Variants in KNOP1 observed in about 807,000 individuals in gnomAD.
KNOP1 encodes the protein lysine rich nucleolar protein 1, also known as lysine-rich nucleolar protein 1.
Under a neutral mutation model 30.6 loss-of-function variants are expected in KNOP1, and 20 were observed. The observed-to-expected ratio is 0.65, with a 90% CI of 0.46 to 0.95. The LOEUF is 0.95. Among genes scored for constraint, KNOP1 ranks in the 40% least tolerant of loss-of-function variants. The pLI is 0.00. For synonymous variants in KNOP1, 204 were observed against 210.0 expected (o/e 0.97, Z 0.25); for missense variants, 540 against 562.0 (o/e 0.96, Z 0.40).
chr16:19,716,943 A>G (rs1158391991), intron 1 of KNOP1, among the ~76,000 whole-genome samples: 6 of 152,314 alleles, frequency 3.9e-5, no homozygotes, highest in Non-Finnish European at 7.4e-5. Context: ...CCCGGGTTCA[A>G]GCAATTTTCA....
At chr16:19,717,122 C>A (rs1237846040) in intron 1 of KNOP1, among the ~76,000 whole-genome samples, 2 of 152,212 alleles carry the variant, frequency 1.3e-5, no homozygotes, top group Non-Finnish European at 2.9e-5. Context: ...GGATTACAGG[C>A]ATGAGCCACC....
rs1406072874 is a variant in KNOP1, at chr16:19,714,723, C to CA, written c.312dup (p.Gly105TrpfsTer13). On this transcript the variant is annotated frameshift_variant, in exon 2 of 5. Coordinates refer to ENST00000219837, the MANE Select transcript of KNOP1 (RefSeq NM_001012991.3). LOFTEE classifies it high-confidence loss of function. ...TCCCCACTGAGGAACTCCAAGTGGC[C>CA]AAACACCTGCTTCCTGAGGCTGGGT... The CA allele has an allele frequency of 6.2e-7, 1 of 1,614,188 alleles. No individual in the cohort carries two copies. Among genetic ancestry groups the CA allele is most frequent in the East Asian group, 2.2e-5 (1 of 44,882 alleles).
chr16:19,710,196 G>T, intron 4 of KNOP1: 1 of 427,918 alleles, frequency 2.3e-6, no homozygotes, highest in Non-Finnish European at 4.3e-6. Flanking sequence ...GTCCACCACT[G>T]GCAAGAGCTC....
Position 19,714,274 on chromosome 16 carries a change from T to G in KNOP1, c.762A>C (p.Glu254Asp). The change falls in exon 2 of 5, where the codon GAA (glutamate) becomes GAC (aspartate). Residue 254 changes from glutamate to aspartate, a missense_variant. Physicochemically the swap from Glu to Asp is conservative, Grantham distance 45. Transcript: ENST00000219837. ...TAGGGTCATCACTTATGGGGATGTA[T>G]TCCGGAGCCTCAACTTTGACTGGCT... Reference protein sequence around the residue: ...KKKPVKVEAPEYIPISDDPKA... With the variant: ...KKKPVKVEAPDYIPISDDPKA... 1.2e-6 allele frequency: 2 copies of G among 1,614,182 alleles called. No homozygotes were observed. The highest frequency in any genetic ancestry group is 1.7e-6 in the Non-Finnish European group (2 of 1,180,018).
In KNOP1 at chr16:19,714,278, G is replaced by A. The variant is rs199538975; in HGVS notation, c.758C>T (p.Pro253Leu). The part of the protein sequence containing the change: ...SKKKPVKVEA[P>L]EYIPISDDPK... ...GTCATCACTTATGGGGATGTATTCC[G>A]GAGCCTCAACTTTGACTGGCTTCTT... Residue 253 changes from proline to leucine, a missense_variant, in exon 2 of 5, where the codon CCG becomes CTG. Physicochemically the swap from Pro to Leu is moderately conservative, Grantham distance 98. Transcript: ENST00000219837. The A allele has an allele frequency of 8.8e-5, 142 of 1,614,100 alleles. No homozygotes were observed. In the African/African-American group the frequency reaches 1.4e-3, roughly 16 times the overall value.
chr16:19,714,022 C>T (rs1174885184), intron 2 of KNOP1, 96 bp downstream of exon 2: 5 of 1,054,396 alleles, frequency 4.7e-6, no homozygotes, highest in African/African-American at 1.6e-5. Flanking sequence ...CATGAGTACT[C>T]GTGCATGTAC....
rs886706425 is a variant in KNOP1 at position 19,704,947 on chromosome 16, A to G, written c.*1963T>C. 8.8e-6 allele frequency: 3 copies of G among 340,424 alleles called. No homozygotes were observed. The highest frequency in any genetic ancestry group is 1.7e-5 in the Non-Finnish European group (3 of 172,750). 21.1% of individuals were successfully genotyped at this position (340,424 alleles called of 1,614,324 possible). ...CTCTGCCCAATGGGCAGCTGTGGACACCATGGCCACTTCACCAGCATCCAC... is the reference window on the plus strand; with the variant it reads ...CTCTGCCCAATGGGCAGCTGTGGACGCCATGGCCACTTCACCAGCATCCAC... On this transcript the variant is annotated 3_prime_UTR_variant, in exon 5 of 5. Coordinates refer to ENST00000219837, the MANE Select transcript of KNOP1 (RefSeq NM_001012991.3).
At chr16:19,710,639 G>C in intron 3 of KNOP1, 53 bp from the exon 4 acceptor site, 1 of 1,483,670 alleles carries the variant, frequency 6.7e-7, no homozygotes, top group South Asian at 1.1e-5. Context: ...CTTCTTTCAA[G>C]CTTAAAACCC....
intron 1 of KNOP1, among the ~76,000 whole-genome samples, chr16:19,716,297 C>T (rs995968447): frequency 6.6e-6 from 1 of 152,168 alleles, no homozygotes; most frequent in Non-Finnish European, 1.5e-5. Flanking sequence ...TAAAACACCA[C>T]CCATCAAGAA....
At chr16:19,716,302 C>T (rs1033783159) in intron 1 of KNOP1, among the ~76,000 whole-genome samples, 1 of 152,172 alleles carries the variant, frequency 6.6e-6, no homozygotes, top group African/African-American at 2.4e-5. Flanking sequence ...CACCACCCAT[C>T]AAGAAGCAAG....
At chr16:19,715,221 A>G in intron 1 of KNOP1, 184 bp from the exon 2 acceptor site, 1 of 502,620 alleles carries the variant, frequency 2.0e-6, no homozygotes, top group East Asian at 3.2e-5. Flanking sequence ...TTTTAAATCC[A>G]CACAGCCCTA....
At chr16:19,714,092 A>C (rs758376799) in intron 2 of KNOP1, 26 bp downstream of exon 2, 4 of 1,589,514 alleles carry the variant, frequency 2.5e-6, no homozygotes, top group South Asian at 1.2e-5. Flanking sequence ...TCCCACGGCA[A>C]AGTCCATTTC....
intron 1 of KNOP1, chr16:19,715,390 G>A (rs1597477407): frequency 1.1e-5 from 2 of 174,672 alleles, no homozygotes; most frequent in Non-Finnish European, 2.3e-5. Context: ...TTGGTACACT[G>A]TTAATTCCCT....
Position 19,704,428 on chromosome 16 carries a change from G to A in KNOP1, c.*2482C>T, listed in dbSNP as rs1171367414. On this transcript the variant is annotated 3_prime_UTR_variant, in exon 5 of 5. Coordinates refer to ENST00000219837, the MANE Select transcript of KNOP1 (RefSeq NM_001012991.3). ...AGAGCTAAGGCAGGCCAACGTCAGGGTGACCTCTTGGCAAGATAAAAACTA... is the reference window on the plus strand; with the variant it reads ...AGAGCTAAGGCAGGCCAACGTCAGGATGACCTCTTGGCAAGATAAAAACTA... 2 of 152,226 alleles carry A rather than the reference G, an allele frequency of 1.3e-5. No individual in the cohort carries two copies. The highest frequency in any genetic ancestry group is 4.8e-5 in the African/African-American group (2 of 41,540). The allele number at this position is 152,226 out of a possible 1,614,324, so 9.4% of individuals were successfully genotyped here.
chr16:19,706,260 C>T lies in KNOP1; in HGVS notation c.*650G>A, dbSNP rs142650764. 2.9e-3 allele frequency: 436 copies of T among 152,722 alleles called. 2 individuals are homozygous for T. The highest frequency in any genetic ancestry group is 5.0e-3 in the Non-Finnish European group (340 of 68,052). The allele number at this position is 152,722 out of a possible 1,614,324, so 9.5% of individuals were successfully genotyped here. On this transcript the variant is annotated 3_prime_UTR_variant, in exon 5 of 5. Coordinates refer to ENST00000219837, the MANE Select transcript of KNOP1 (RefSeq NM_001012991.3). ...CATCTAAAGACATTTCAATCCCCAA[C>T]GAGGATTCTGGTGGAAATTCCCTAA...
Position 19,714,239 on chromosome 16 carries a change from G to A in KNOP1, c.797C>T (p.Ala266Val), listed in dbSNP as rs2074036. 4,328 of 1,613,832 alleles carry A rather than the reference G, an allele frequency of 2.7e-3. 63 individuals are homozygous for A. The East Asian group carries it at 0.041, about 15-fold the overall frequency. The change falls in exon 2 of 5, where the codon GCA becomes GTA. Residue 266 changes from alanine (A) to valine (V), a missense_variant. Coordinates refer to ENST00000219837, the MANE Select transcript of KNOP1 (RefSeq NM_001012991.3). ...CTTTTTGGACTTCATCTTTTTCTTT[G>A]CGGAGGCCTTAGGGTCATCACTTAT... ...IPISDDPKAS[A>V]KKKMKSKKKV...
Position 19,718,223 on chromosome 16 carries a change from G to A in KNOP1, c.-68C>T, listed in dbSNP as rs1597486094. On this transcript the variant is annotated 5_prime_UTR_variant, in exon 1 of 5. Transcript: ENST00000219837. ...CCGCCGTGACCCGGAAGTCCACTTC[G>A]AGTCGCCGGCCCACCCTCTCGGGTT... The A allele has an allele frequency of 3.9e-6, 6 of 1,535,308 alleles. No homozygotes were observed. Among genetic ancestry groups the A allele is most frequent in the African/African-American group, 1.4e-5 (1 of 72,924 alleles).
At chr16:19,713,207 C>A (rs1423562990) in intron 2 of KNOP1, among the ~76,000 whole-genome samples, 1 of 152,140 alleles carries the variant, frequency 6.6e-6, no homozygotes, top group Non-Finnish European at 1.5e-5. Flanking sequence ...ATTCTCGTGC[C>A]TCAGCCTCAC....
At chr16:19,712,812 C>T (rs776561380) in intron 2 of KNOP1, among the ~76,000 whole-genome samples, 3 of 152,206 alleles carry the variant, frequency 2.0e-5, no homozygotes, top group African/African-American at 4.8e-5. Flanking sequence ...CCCACACGTC[C>T]GTGCACACAC....
Sources: gnomAD v4.1 joint callset for allele counts (sites outside exome capture counted in the v4.1 genomes callset) on GRCh38, gnomAD v4.1.1 for gene constraint, MANE v1.5 for transcripts, NCBI Gene and HGNC (gene_info 2026-07-23, HGNC 2026-07-21) for gene names.